The following CDH11 variants were observed in gnomAD, a reference collection of about 807,000 sequenced individuals.
The protein encoded by CDH11 is cadherin-11.
CDH11 carries 11 observed loss-of-function variants against 67.8 expected under a neutral mutation model. That is an observed-to-expected ratio of 0.16 (90% CI 0.10 to 0.27). CDH11 has a LOEUF of 0.27. CDH11 is among the 10% of genes least tolerant of loss of function. CDH11 has a pLI of 1.00. For missense variants in CDH11, 847 were observed against 1,031.2 expected, an observed-to-expected ratio of 0.82 and a Z score of 2.45; for synonymous variants, 419 against 400.0, an observed-to-expected ratio of 1.05 and a Z score of -0.57.
chr16:65,030,348 T>C (rs2142616849), intron 2 of CDH11, among the ~76,000 whole-genome samples: 1 of 152,310 alleles, frequency 6.6e-6, no homozygotes, highest in African/African-American at 2.4e-5. Context: ...TAACTCAAAA[T>C]CCTATATTTT....
At chr16:65,120,324 A>G (rs1292553646) in intron 1 of CDH11, among the ~76,000 whole-genome samples, 1 of 152,146 alleles carries the variant, frequency 6.6e-6, no homozygotes, top group African/African-American at 2.4e-5. Flanking sequence ...ATCCCCAGGA[A>G]ATCCAGACAC....
At chr16:65,037,123 C>A (rs1040508760) in intron 2 of CDH11, among the ~76,000 whole-genome samples, 1 of 152,110 alleles carries the variant, frequency 6.6e-6, no homozygotes, top group African/African-American at 2.4e-5. Context: ...ATAGCTCAGG[C>A]AGAGGAAGAG....
At chr16:64,963,237 T>C (rs2071720477) in intron 11 of CDH11, among the ~76,000 whole-genome samples, 1 of 152,166 alleles carries the variant, frequency 6.6e-6, no homozygotes, top group Non-Finnish European at 1.5e-5. Context: ...ATGGGCAATG[T>C]AAGCAGAGAG....
intron 1 of CDH11, among the ~76,000 whole-genome samples, chr16:65,091,048 T>C (rs1178283242): frequency 1.3e-5 from 2 of 152,242 alleles, no homozygotes; most frequent in African/African-American, 4.8e-5. Context: ...TACGCATAAG[T>C]GCGTAAGTAT....
At chr16:65,049,005 G>A (rs2074011337) in intron 2 of CDH11, among the ~76,000 whole-genome samples, 1 of 152,000 alleles carries the variant, frequency 6.6e-6, no homozygotes, top group Admixed American at 6.6e-5. Flanking sequence ...TAAACAATGG[G>A]TACACATAGA....
At chr16:65,070,449 G>A (rs187962852) in intron 1 of CDH11, among the ~76,000 whole-genome samples, 146 of 152,246 alleles carry the variant, frequency 9.6e-4, no homozygotes, top group African/African-American at 3.2e-3. Flanking sequence ...TGAGTGAATG[G>A]CTCGACTCAA....
intron 1 of CDH11, among the ~76,000 whole-genome samples, chr16:65,054,245 C>A (rs2074107297): frequency 6.6e-6 from 1 of 152,182 alleles, no homozygotes; most frequent in Non-Finnish European, 1.5e-5. Context: ...GCATGAAGAA[C>A]AAGCTATTGG....
At chr16:64,990,967 T>C (rs1478635793) in intron 6 of CDH11, among the ~76,000 whole-genome samples, 2 of 152,188 alleles carry the variant, frequency 1.3e-5, no homozygotes, top group African/African-American at 2.4e-5. Flanking sequence ...CACATGCTTT[T>C]CCTTCAACAT....
intron 6 of CDH11, among the ~76,000 whole-genome samples, chr16:64,989,681 T>C (rs2072582837): frequency 6.6e-6 from 1 of 152,102 alleles, no homozygotes; most frequent in Admixed American, 6.6e-5. Context: ...TGGAAAAGAC[T>C]TCAGGTTTTG....
At chr16:64,967,678 CA>C (rs1474311629) in intron 11 of CDH11, among the ~76,000 whole-genome samples, 2 of 151,726 alleles carry the variant, frequency 1.3e-5, no homozygotes, top group African/African-American at 2.4e-5. Flanking sequence ...ATATATTTCA[CA>C]GTTGCTTTTC....
chr16:65,100,786 G>A (rs1034408012), intron 1 of CDH11, among the ~76,000 whole-genome samples: 4 of 151,456 alleles, frequency 2.6e-5, no homozygotes, highest in African/African-American at 9.7e-5. Context: ...AAAAGATAGT[G>A]AATTTGAGGA....
intron 2 of CDH11, among the ~76,000 whole-genome samples, chr16:65,012,448 T>G (rs1336357922): frequency 4.6e-5 from 7 of 152,118 alleles, no homozygotes; most frequent in Non-Finnish European, 1.0e-4. Flanking sequence ...GGAACTAAAA[T>G]AGGAAGGTTA....
At chr16:64,954,881 A>T (rs1029790427) in intron 11 of CDH11, among the ~76,000 whole-genome samples, 7 of 151,062 alleles carry the variant, frequency 4.6e-5, no homozygotes, top group African/African-American at 1.7e-4. Context: ...AGGTGGGCAG[A>T]TGACTTGAGG....
intron 1 of CDH11, among the ~76,000 whole-genome samples, chr16:65,117,523 C>T (rs1482340775): frequency 6.6e-6 from 1 of 152,014 alleles, no homozygotes; most frequent in Non-Finnish European, 1.5e-5. Context: ...CTCCAGTGCA[C>T]GAGGAACAAT....
intron 7 of CDH11, chr16:64,987,842 G>A (rs865862863): frequency 1.8e-5 from 4 of 225,962 alleles, no homozygotes; most frequent in African/African-American, 4.5e-5. Context: ...GCTCAGGGCT[G>A]CTTCTTCAAA....
chr16:65,122,148 G>GGGGGGT, upstream of CDH11: 9 of 323,844 alleles, frequency 2.8e-5, no homozygotes, highest in Admixed American at 4.6e-5. Context: ...GGGGGGGCGG[G>GGGGGGT]AGGAGGGAGG....
intron 1 of CDH11, among the ~76,000 whole-genome samples, chr16:65,111,744 A>G (rs897565925): frequency 6.6e-5 from 10 of 150,542 alleles, no homozygotes; most frequent in African/African-American, 2.2e-4. Context: ...GATTTTAAGA[A>G]TGGGGAGAGG....
At chr16:65,064,388 A>G (rs1446957178) in intron 1 of CDH11, among the ~76,000 whole-genome samples, 1 of 152,208 alleles carries the variant, frequency 6.6e-6, no homozygotes, top group Non-Finnish European at 1.5e-5. Context: ...ACATCACGCT[A>G]TTGTTTCTGA....
rs1014783700 is a variant in CDH11, at chr16:65,044,160, C to T, written c.-173+9644G>A. Among the ~76,000 whole-genome samples, 15 of 152,090 alleles carry T rather than the reference C, an allele frequency of 9.9e-5. No homozygotes were observed. In the South Asian group the frequency reaches 1.0e-3, roughly 11 times the overall value. ...AATGGAGACCATGCTCTTATTCCTG[C>T]GAAAGCCTGTTCACCACACATGAGT... On this transcript the variant is annotated intron_variant, in intron 2 of 12. Coordinates refer to ENST00000268603, the MANE Select transcript of CDH11 (RefSeq NM_001797.4).
Sources: allele counts gnomAD v4.1 joint callset (sites outside exome capture counted in the v4.1 genomes callset), GRCh38; gene constraint gnomAD v4.1.1; transcripts MANE v1.5; gene names NCBI Gene and HGNC (gene_info 2026-07-23, HGNC 2026-07-21).